The following INPP4B variants were observed in gnomAD, a reference collection of about 807,000 sequenced individuals.
INPP4B encodes inositol polyphosphate-4-phosphatase type II B, also known as inositol polyphosphate 4-phosphatase type II.
In INPP4B, 55 loss-of-function variants were observed where a neutral mutation model predicts 122.5. The ratio of observed to expected loss-of-function variants is 0.45; its 90% confidence interval spans 0.36 to 0.56. The LOEUF (loss-of-function observed/expected upper bound fraction) is 0.56. INPP4B is among the 20% of genes least tolerant of loss of function. The pLI is 0.00. For synonymous variants in INPP4B, 403 were observed against 388.7 expected (o/e 1.04, Z -0.43); for missense variants, 1,000 against 1,097.7 (o/e 0.91, Z 1.26).
intron 2 of INPP4B, among the ~76,000 whole-genome samples, chr4:142,479,206 T>C (rs999301166): frequency 1.3e-5 from 2 of 151,786 alleles, no homozygotes; most frequent in African/African-American, 4.8e-5. Flanking sequence ...AACAAACATA[T>C]GAAAAAAATG....
chr4:142,228,375 T>C (rs916031368), intron 12 of INPP4B, among the ~76,000 whole-genome samples: 1 of 152,082 alleles, frequency 6.6e-6, no homozygotes, highest in African/African-American at 2.4e-5. Flanking sequence ...TAAAAGCACA[T>C]TGTATGTAGA....
At chr4:142,459,691 T>A (rs1371296725) in intron 3 of INPP4B, among the ~76,000 whole-genome samples, 1 of 152,180 alleles carries the variant, frequency 6.6e-6, no homozygotes, top group Admixed American at 6.5e-5. Context: ...TTTCTCTTAC[T>A]CTAGATGTTA....
At chr4:142,809,888 G>T (rs7695461) in intron 1 of INPP4B, among the ~76,000 whole-genome samples, 35,967 of 151,850 alleles carry the variant, frequency 0.24, 4,522 homozygotes, top group South Asian at 0.35. Flanking sequence ...ATTTATCATG[G>T]GCCAGGCACG....
At chr4:142,427,931 TAGAG>T (rs978635600) in intron 5 of INPP4B, among the ~76,000 whole-genome samples, 3 of 151,784 alleles carry the variant, frequency 2.0e-5, no homozygotes, top group South Asian at 2.1e-4. Context: ...GAAAACTCTC[TAGAG>T]AGAGAGGGAG....
At chr4:142,223,673 G>T (rs1369086307) in intron 12 of INPP4B, among the ~76,000 whole-genome samples, 1 of 152,130 alleles carries the variant, frequency 6.6e-6, no homozygotes, top group Non-Finnish European at 1.5e-5. Context: ...CACAGCATCT[G>T]CCCTCAATAC....
chr4:142,423,808 A>G (rs1807449440), intron 5 of INPP4B: 2 of 438,596 alleles, frequency 4.6e-6, no homozygotes, highest in Non-Finnish European at 9.0e-6. Flanking sequence ...GTGAATATGA[A>G]GTTAATTTCC....
chr4:142,721,344 T>A (rs181229892), intron 2 of INPP4B, among the ~76,000 whole-genome samples: 3 of 152,274 alleles, frequency 2.0e-5, no homozygotes, highest in African/African-American at 4.8e-5. Flanking sequence ...TAGAGCAGAG[T>A]ATATGCTCTT....
At chr4:142,547,409 T>C (rs973898284) in intron 2 of INPP4B, among the ~76,000 whole-genome samples, 1 of 152,080 alleles carries the variant, frequency 6.6e-6, no homozygotes. Context: ...ACCCCTCAAG[T>C]CTTGAAATAC....
intron 2 of INPP4B, among the ~76,000 whole-genome samples, chr4:142,470,777 T>A (rs1818675822): frequency 6.6e-6 from 1 of 152,212 alleles, no homozygotes; most frequent in South Asian, 2.1e-4. Flanking sequence ...TATTCTTTGA[T>A]CTAGTAATTC....
intron 13 of INPP4B, 30 bp from the exon 14 acceptor site, chr4:142,208,559 A>G: frequency 8.7e-7 from 1 of 1,155,050 alleles, no homozygotes; most frequent in Non-Finnish European, 1.3e-6. Context: ...AAACATTATT[A>G]GTAAATAATG....
chr4:142,763,893 T>C (rs976418878), intron 1 of INPP4B, among the ~76,000 whole-genome samples: 3 of 152,106 alleles, frequency 2.0e-5, no homozygotes, highest in Non-Finnish European at 2.9e-5. Context: ...TAAGCTCTCA[T>C]AAAATTGAAA....
chr4:142,084,355 G>T (rs187685190), intron 24 of INPP4B, among the ~76,000 whole-genome samples: 9 of 152,084 alleles, frequency 5.9e-5, no homozygotes, highest in Non-Finnish European at 1.2e-4. Context: ...ACCTGACCTC[G>T]TGATCCGCCC....
At chr4:142,331,944 G>A (rs1377992591) in intron 7 of INPP4B, among the ~76,000 whole-genome samples, 1 of 152,134 alleles carries the variant, frequency 6.6e-6, no homozygotes, top group African/African-American at 2.4e-5. Context: ...ACCTAAGGTT[G>A]TCAGTGCATC....
At chr4:142,427,283 A>G in intron 5 of INPP4B, 1 of 352,530 alleles carries the variant, frequency 2.8e-6, no homozygotes, top group South Asian at 7.7e-5. Flanking sequence ...ATGACTTGAA[A>G]TAATATTTTT....
In INPP4B at chr4:142,122,214, G is replaced by T. The variant is rs755316687; in HGVS notation, c.2049C>A (p.Ala683=). The T allele has an allele frequency of 1.9e-6, 3 of 1,611,218 alleles. No individual in the cohort carries two copies. The highest frequency in any genetic ancestry group is 8.5e-7 in the Non-Finnish European group (1 of 1,178,640). The part of the protein sequence containing the change: ...SDEIGMLEDM[A]VGISDLKKVA... ...CTTTCTTTAAATCGGAAATGCCAAC[G>T]GCCATGTCCTCTAGCATTCCAATTT... The change falls in exon 21 of 26, where the codon GCC becomes GCA. Residue 683 remains alanine, a synonymous_variant. Coordinates refer to ENST00000262992, the MANE Select transcript of INPP4B (RefSeq NM_001101669.3).
chr4:142,292,890 C>A (rs185935379), intron 9 of INPP4B, among the ~76,000 whole-genome samples: 14 of 152,260 alleles, frequency 9.2e-5, no homozygotes, highest in Admixed American at 9.2e-4. Context: ...CCTAGTAACA[C>A]TTCAGTCAGG....
chr4:142,317,526 C>A, intron 7 of INPP4B: 1 of 237,514 alleles, frequency 4.2e-6, no homozygotes, highest in South Asian at 7.1e-5. Flanking sequence ...CCTGGTTGTC[C>A]CTCCACTGAA....
At chr4:142,124,488 T>G (rs1006013961) in intron 19 of INPP4B, 100 bp downstream of exon 19, 4 of 1,107,132 alleles carry the variant, frequency 3.6e-6, no homozygotes, top group Non-Finnish European at 5.3e-6. Context: ...AGGATCTTTT[T>G]AAAAATAAAG....
At chr4:142,064,003 A>C (rs539599015) in intron 25 of INPP4B, among the ~76,000 whole-genome samples, 3 of 152,272 alleles carry the variant, frequency 2.0e-5, no homozygotes, top group African/African-American at 7.2e-5. Flanking sequence ...AACTGACTAC[A>C]TGAATATCAA....
Sources: gnomAD v4.1 joint callset for allele counts (sites outside exome capture counted in the v4.1 genomes callset) on GRCh38, gnomAD v4.1.1 for gene constraint, MANE v1.5 for transcripts, NCBI Gene and HGNC (gene_info 2026-07-23, HGNC 2026-07-21) for gene names.